EYS: variants seen among roughly 807,000 people sequenced by gnomAD.
The protein encoded by EYS is protein eyes shut homolog.
Under a neutral mutation model 282.1 loss-of-function variants are expected in EYS, and 250 were observed. That is an observed-to-expected ratio of 0.89 (90% CI 0.80 to 0.98). The LOEUF (loss-of-function observed/expected upper bound fraction) is 0.98. EYS is among the 50% of genes least tolerant of loss of function. The pLI is 0.00. For missense variants in EYS, 4,016 were observed against 3,709.0 expected, an observed-to-expected ratio of 1.08 and a Z score of -2.15; for synonymous variants, 1,355 against 1,282.9, an observed-to-expected ratio of 1.06 and a Z score of -1.20.
At chr6:63,873,110 G>T (rs78806336) in intron 35 of EYS, among the ~76,000 whole-genome samples, 50 of 151,736 alleles carry the variant, frequency 3.3e-4, no homozygotes, top group African/African-American at 1.2e-3. Flanking sequence ...CCATTAACTC[G>T]ACATTTACAT....
At chr6:64,554,527 A>C (rs896160333) in intron 26 of EYS, among the ~76,000 whole-genome samples, 1 of 152,088 alleles carries the variant, frequency 6.6e-6, no homozygotes, top group African/African-American at 2.4e-5. Context: ...TGGTTAATAT[A>C]CAAATGACTT....
At chr6:64,971,701 A>G (rs1412322114) in intron 14 of EYS, among the ~76,000 whole-genome samples, 1 of 152,140 alleles carries the variant, frequency 6.6e-6, no homozygotes, top group African/African-American at 2.4e-5. Flanking sequence ...CTTAAGCACA[A>G]TGTGTCTAAT....
At chr6:64,606,501 C>T (rs1225222918) in intron 24 of EYS, among the ~76,000 whole-genome samples, 1 of 151,950 alleles carries the variant, frequency 6.6e-6, no homozygotes, top group Admixed American at 6.6e-5. Context: ...TCTATACCAA[C>T]CCAAACAGCC....
intron 31 of EYS, among the ~76,000 whole-genome samples, chr6:64,097,049 G>A (rs564241282): frequency 8.6e-5 from 13 of 151,084 alleles, no homozygotes; most frequent in East Asian, 3.9e-4. Context: ...TATCAGCAGC[G>A]GAGGCTGCAG....
intron 5 of EYS, among the ~76,000 whole-genome samples, chr6:65,486,897 T>C (rs1038707618): frequency 6.6e-6 from 1 of 152,172 alleles, no homozygotes; most frequent in Non-Finnish European, 1.5e-5. Context: ...TCACATCCCT[T>C]GTAAGTTCTT....
intron 21 of EYS, among the ~76,000 whole-genome samples, chr6:64,814,786 A>G (rs1375098388): frequency 6.6e-6 from 1 of 152,000 alleles, no homozygotes; most frequent in Non-Finnish European, 1.5e-5. Context: ...AACCAACTTG[A>G]ATCATTTTGC....
At chr6:63,791,893 A>G (rs1386762473) in intron 37 of EYS, among the ~76,000 whole-genome samples, 1 of 152,196 alleles carries the variant, frequency 6.6e-6, no homozygotes, top group East Asian at 1.9e-4. Context: ...ACTGAAATAC[A>G]TTAAACACCT....
At chr6:65,320,835 A>G (rs1769455182) in intron 11 of EYS, among the ~76,000 whole-genome samples, 1 of 152,048 alleles carries the variant, frequency 6.6e-6, no homozygotes, top group Admixed American at 6.5e-5. Context: ...CACCACCCCC[A>G]TCCCCTCAAA....
At chr6:64,925,786 C>A (rs1220379057) in intron 15 of EYS, among the ~76,000 whole-genome samples, 1 of 152,080 alleles carries the variant, frequency 6.6e-6, no homozygotes, top group African/African-American at 2.4e-5. Context: ...TGGTCCTTGT[C>A]CCCCACTTTG....
chr6:65,367,206 C>T (rs1764945256), intron 8 of EYS, among the ~76,000 whole-genome samples: 1 of 151,588 alleles, frequency 6.6e-6, no homozygotes, highest in Non-Finnish European at 1.5e-5. Flanking sequence ...TTGTGAAACT[C>T]CTTCTAAAGT....
At chr6:65,630,730 T>C (rs1224550351) in intron 2 of EYS, among the ~76,000 whole-genome samples, 1 of 152,222 alleles carries the variant, frequency 6.6e-6, no homozygotes, top group Non-Finnish European at 1.5e-5. Context: ...TTTGTACTTG[T>C]GTTGAACATC....
intron 26 of EYS, among the ~76,000 whole-genome samples, chr6:64,578,828 A>T (rs1207689037): frequency 6.6e-6 from 1 of 152,076 alleles, no homozygotes; most frequent in African/African-American, 2.4e-5. Context: ...GATAATCACT[A>T]TTACACTTAG....
At chr6:64,255,106 T>C (rs915393502) in intron 30 of EYS, among the ~76,000 whole-genome samples, 4 of 152,032 alleles carry the variant, frequency 2.6e-5, no homozygotes, top group Admixed American at 2.0e-4. Flanking sequence ...TTGAAACACG[T>C]TCACTTATTT....
chr6:65,266,903 T>TAC (rs1767769008), intron 12 of EYS, among the ~76,000 whole-genome samples: 1 of 149,916 alleles, frequency 6.7e-6, no homozygotes, highest in African/African-American at 2.4e-5. Flanking sequence ...TATATATATA[T>TAC]ATATACATCT....
At chr6:64,198,779 C>T (rs933448533) in intron 31 of EYS, among the ~76,000 whole-genome samples, 4 of 152,060 alleles carry the variant, frequency 2.6e-5, no homozygotes, top group Non-Finnish European at 5.9e-5. Flanking sequence ...TAGTGCTGCA[C>T]TAAACATACA....
intron 12 of EYS, among the ~76,000 whole-genome samples, chr6:65,124,371 G>A (rs1359826029): frequency 1.3e-5 from 2 of 152,018 alleles, no homozygotes; most frequent in Non-Finnish European, 2.9e-5. Flanking sequence ...ACACTGAAGC[G>A]AGAATGTGAT....
intron 19 of EYS, among the ~76,000 whole-genome samples, chr6:64,865,247 T>TAC (rs1453186752): frequency 3.9e-5 from 6 of 152,108 alleles, no homozygotes; most frequent in African/African-American, 7.2e-5. Flanking sequence ...TGCATATATA[T>TAC]ACACACATAA....
At chr6:63,769,059 C>CT (rs1376811983) in intron 40 of EYS, among the ~76,000 whole-genome samples, 1 of 151,918 alleles carries the variant, frequency 6.6e-6, no homozygotes, top group East Asian at 1.9e-4. Context: ...ACGATAGGCA[C>CT]TGGGGACTAC....
At chr6:65,455,989 G>A (rs559683254) in intron 5 of EYS, among the ~76,000 whole-genome samples, 2 of 98,444 alleles carry the variant, frequency 2.0e-5, no homozygotes, top group Non-Finnish European at 5.1e-5. Flanking sequence ...GAAAGAAAGA[G>A]AGAGAGAAAG....
Sources: gnomAD v4.1 joint callset for allele counts (sites outside exome capture counted in the v4.1 genomes callset) on GRCh38, gnomAD v4.1.1 for gene constraint, MANE v1.5 for transcripts, NCBI Gene and HGNC (gene_info 2026-07-23, HGNC 2026-07-21) for gene names.